Variants in SUCLG2 observed in about 807,000 individuals in gnomAD.
SUCLG2 encodes the protein succinate--CoA ligase [GDP-forming] subunit beta, mitochondrial.
SUCLG2 carries 42 observed loss-of-function variants against 47.9 expected under a neutral mutation model. The ratio of observed to expected loss-of-function variants is 0.88; its 90% CI spans 0.69 to 1.14. The LOEUF (loss-of-function observed/expected upper bound fraction) is 1.14, where lower values mean the gene tolerates loss of function less well. SUCLG2 is among the 50% of genes most tolerant of loss of function. SUCLG2 has a pLI of 0.00. For missense variants in SUCLG2, 571 were observed against 525.9 expected (o/e 1.09, Z -0.84); for synonymous variants, 195 against 197.3 (o/e 0.99, Z 0.10).
intron 3 of SUCLG2, among the ~76,000 whole-genome samples, chr3:67,528,634 G>T (rs1039540195): frequency 1.3e-5 from 2 of 152,262 alleles, no homozygotes; most frequent in Middle Eastern, 3.4e-3. Context: ...ACAGGAACAG[G>T]GAGGAGAGGA....
chr3:67,501,076 T>C (rs182149367), intron 7 of SUCLG2, among the ~76,000 whole-genome samples: 2 of 152,318 alleles, frequency 1.3e-5, no homozygotes, highest in Non-Finnish European at 2.9e-5. Flanking sequence ...ATGGTGACTA[T>C]GGGATAAAAG....
At chr3:67,495,667 A>G in intron 9 of SUCLG2, 131 bp downstream of exon 9, 2 of 1,062,032 alleles carry the variant, frequency 1.9e-6, no homozygotes, top group African/African-American at 1.6e-5. Flanking sequence ...AAAAAAAAAA[A>G]GATAGAAGTT....
At chr3:67,520,185 C>G (rs903228317) in intron 5 of SUCLG2, among the ~76,000 whole-genome samples, 1 of 152,092 alleles carries the variant, frequency 6.6e-6, no homozygotes, top group Non-Finnish European at 1.5e-5. Flanking sequence ...GCAGTCCTCT[C>G]CCATTGGTTA....
intron 10 of SUCLG2, among the ~76,000 whole-genome samples, chr3:67,366,579 C>G (rs1329312088): frequency 6.6e-6 from 1 of 152,170 alleles, no homozygotes; most frequent in Non-Finnish European, 1.5e-5. Context: ...TTTCCAAGCT[C>G]TATTTTAAAA....
In SUCLG2 at chr3:67,615,734, C is replaced by T. The variant is rs79661277; in HGVS notation, c.85-6138G>A. ...CCTTACAACAGAACACTAGTGCAAC[C>T]ACCTTCCAAAACAATTTGACAGTGT... On this transcript the variant is annotated intron_variant, in intron 1 of 10. Coordinates refer to ENST00000307227, the MANE Select transcript of SUCLG2 (RefSeq NM_003848.4). Among the ~76,000 whole-genome samples, 177 of 151,918 alleles carry T rather than the reference C, an allele frequency of 1.2e-3. No individual in the cohort carries two copies. The East Asian group carries it at 0.03, about 26-fold the overall frequency.
At chr3:67,559,673 T>G (rs1707256927) in intron 2 of SUCLG2, among the ~76,000 whole-genome samples, 1 of 152,096 alleles carries the variant, frequency 6.6e-6, no homozygotes, top group African/African-American at 2.4e-5. Context: ...AAAAATAAAA[T>G]TATCAGAGGT....
At chr3:67,480,016 G>C (rs921499322) in intron 9 of SUCLG2, among the ~76,000 whole-genome samples, 1 of 152,136 alleles carries the variant, frequency 6.6e-6, no homozygotes, top group African/African-American at 2.4e-5. Flanking sequence ...AAATAGAAGA[G>C]AATAAAAATC....
chr3:67,615,958 T>C (rs1301795257), intron 1 of SUCLG2, among the ~76,000 whole-genome samples: 1 of 151,986 alleles, frequency 6.6e-6, no homozygotes, highest in Admixed American at 6.6e-5. Context: ...ATTCTGACTG[T>C]GTGAACTATT....
intron 9 of SUCLG2, among the ~76,000 whole-genome samples, chr3:67,446,430 T>G (rs1476123424): frequency 3.0e-5 from 3 of 101,198 alleles, no homozygotes; most frequent in Non-Finnish European, 5.9e-5. Flanking sequence ...TTTTTTTTTT[T>G]TTTTTTTTTT....
chr3:67,628,643 T>C (rs1186928126), intron 1 of SUCLG2, among the ~76,000 whole-genome samples: 2 of 152,140 alleles, frequency 1.3e-5, no homozygotes, highest in East Asian at 1.9e-4. Flanking sequence ...GTTTTCATGA[T>C]AGTAAGTCTC....
intron 6 of SUCLG2, among the ~76,000 whole-genome samples, chr3:67,515,172 C>T (rs979121332): frequency 2.0e-5 from 3 of 152,072 alleles, no homozygotes; most frequent in Admixed American, 6.6e-5. Context: ...CAGTATATTG[C>T]TATTGTTCTA....
intron 2 of SUCLG2, among the ~76,000 whole-genome samples, chr3:67,566,574 C>T (rs1032041834): frequency 1.3e-5 from 2 of 152,118 alleles, no homozygotes; most frequent in Non-Finnish European, 2.9e-5. Context: ...ATAATGCATG[C>T]TTTTCTTCTA....
At chr3:67,479,214 T>C (rs1247566316) in intron 9 of SUCLG2, among the ~76,000 whole-genome samples, 1 of 151,684 alleles carries the variant, frequency 6.6e-6, no homozygotes, top group Non-Finnish European at 1.5e-5. Flanking sequence ...TTATCCAATA[T>C]CTAGAAAAAG....
chr3:67,647,464 C>CA (rs1701212055), intron 1 of SUCLG2, among the ~76,000 whole-genome samples: 1 of 152,196 alleles, frequency 6.6e-6, no homozygotes, highest in Non-Finnish European at 1.5e-5. Flanking sequence ...TCTGCAAAGG[C>CA]AATGACATTT....
At chr3:67,556,603 C>T (rs774274785) in intron 2 of SUCLG2, among the ~76,000 whole-genome samples, 28 of 152,146 alleles carry the variant, frequency 1.8e-4, no homozygotes, top group Non-Finnish European at 8.8e-5. Flanking sequence ...AGCCACAAAA[C>T]ATCCTACTGT....
chr3:67,403,397 C>T (rs57612033), intron 9 of SUCLG2, among the ~76,000 whole-genome samples: 8 of 152,290 alleles, frequency 5.3e-5, no homozygotes, highest in African/African-American at 1.4e-4. Context: ...CATGATATGG[C>T]ATAATCACGT....
chr3:67,617,524 A>T (rs991183242), intron 1 of SUCLG2, among the ~76,000 whole-genome samples: 2 of 152,206 alleles, frequency 1.3e-5, no homozygotes, highest in African/African-American at 4.8e-5. Context: ...TCACCTTTGA[A>T]AACAGAACGT....
At chr3:67,591,096 T>C (rs1329677583) in intron 2 of SUCLG2, among the ~76,000 whole-genome samples, 1 of 152,202 alleles carries the variant, frequency 6.6e-6, no homozygotes, top group Non-Finnish European at 1.5e-5. Context: ...TGATCTCTAA[T>C]CGGTTGCTGG....
intron 9 of SUCLG2, among the ~76,000 whole-genome samples, chr3:67,485,875 A>T (rs976854145): frequency 2.6e-5 from 4 of 152,252 alleles, no homozygotes; most frequent in African/African-American, 9.6e-5. Flanking sequence ...GCATATTCTA[A>T]AGGTTCTCAT....
Sources: gnomAD v4.1 joint callset for allele counts (sites outside exome capture counted in the v4.1 genomes callset) on GRCh38, gnomAD v4.1.1 for gene constraint, MANE v1.5 for transcripts, NCBI Gene and HGNC (gene_info 2026-07-23, HGNC 2026-07-21) for gene names.